The following PAPSS2 variants were observed in gnomAD, a reference collection of about 807,000 sequenced individuals.
PAPSS2 encodes bifunctional 3'-phosphoadenosine 5'-phosphosulfate synthase 2.
A neutral mutation model predicts 66.5 loss-of-function variants in PAPSS2; 61 were observed. That is an observed-to-expected ratio of 0.92 (90% CI 0.75 to 1.14). The LOEUF (loss-of-function observed/expected upper bound fraction) is 1.14, where lower values mean the gene tolerates loss of function less well. Among genes scored for constraint, PAPSS2 ranks in the 50% most tolerant of loss-of-function variants. The pLI, the probability that PAPSS2 is intolerant of heterozygous loss-of-function variation, is 0.00. For synonymous variants in PAPSS2, 289 were observed against 287.5 expected (o/e 1.01, Z -0.05); for missense variants, 708 against 789.6 (o/e 0.90, Z 1.24).
chr10:87,726,293 G>A (rs1853658747), intron 8 of PAPSS2, among the ~76,000 whole-genome samples: 1 of 152,188 alleles, frequency 6.6e-6, no homozygotes, highest in Non-Finnish European at 1.5e-5. Flanking sequence ...AGCTGGGAGT[G>A]GTGGCACATG....
intron 1 of PAPSS2, among the ~76,000 whole-genome samples, chr10:87,684,749 T>C (rs1853066440): frequency 1.3e-5 from 2 of 152,216 alleles, no homozygotes; most frequent in Non-Finnish European, 2.9e-5. Flanking sequence ...GGTGCTATTA[T>C]TCCATCCATT....
chr10:87,700,245 C>G (rs1303617625), intron 1 of PAPSS2, among the ~76,000 whole-genome samples: 1 of 152,148 alleles, frequency 6.6e-6, no homozygotes, highest in Non-Finnish European at 1.5e-5. Context: ...ATTTGAGAAT[C>G]AGAGAAACTG....
intron 9 of PAPSS2, 66 bp from the exon 10 acceptor site, chr10:87,741,168 AG>A: frequency 6.6e-7 from 1 of 1,521,870 alleles, no homozygotes; most frequent in Non-Finnish European, 9.1e-7. Context: ...GTCTAAAAGG[AG>A]AAAACTTTTC....
At chr10:87,712,122 CTT>C (rs1306547803) in intron 2 of PAPSS2, among the ~76,000 whole-genome samples, 1 of 152,164 alleles carries the variant, frequency 6.6e-6, no homozygotes, top group African/African-American at 2.4e-5. Context: ...CATGGTAACT[CTT>C]TTCTCATATA....
chr10:87,744,772 T>C (rs1853915363), intron 11 of PAPSS2, among the ~76,000 whole-genome samples: 1 of 152,142 alleles, frequency 6.6e-6, no homozygotes, highest in South Asian at 2.1e-4. Context: ...GATGAGGAAA[T>C]ACAACCTTGA....
intron 1 of PAPSS2, chr10:87,660,233 C>G: frequency 1.6e-6 from 1 of 614,050 alleles, no homozygotes; most frequent in East Asian, 2.8e-5. Context: ...TGGGAATCTG[C>G]GCTCCTTGGG....
intron 9 of PAPSS2, among the ~76,000 whole-genome samples, chr10:87,730,979 A>G (rs1228381410): frequency 6.6e-6 from 1 of 152,260 alleles, no homozygotes; most frequent in Non-Finnish European, 1.5e-5. Flanking sequence ...AAGATCATTG[A>G]TGTAGGTGGC....
chr10:87,688,808 G>T (rs1032782725), intron 1 of PAPSS2, among the ~76,000 whole-genome samples: 22 of 152,022 alleles, frequency 1.4e-4, no homozygotes, highest in African/African-American at 5.3e-4. Flanking sequence ...TTCTTATTCA[G>T]ACTTCTTTGT....
intron 1 of PAPSS2, among the ~76,000 whole-genome samples, chr10:87,660,773 G>A (rs1237699922): frequency 7.4e-6 from 1 of 134,988 alleles, no homozygotes; most frequent in Non-Finnish European, 1.5e-5. Context: ...AATGGCAGCA[G>A]TTCTATTTGT....
intron 8 of PAPSS2, among the ~76,000 whole-genome samples, chr10:87,724,814 A>G (rs1291560426): frequency 7.0e-6 from 1 of 141,848 alleles, no homozygotes; most frequent in Non-Finnish European, 1.6e-5. Context: ...ATGGATATCT[A>G]TGTATTATAT....
At chr10:87,708,999 G>A (rs1853429760) in intron 1 of PAPSS2, among the ~76,000 whole-genome samples, 197 bp from the exon 2 acceptor site, 2 of 152,102 alleles carry the variant, frequency 1.3e-5, no homozygotes, top group Admixed American at 6.6e-5. Context: ...TGTAGCTAAT[G>A]GCTCAGGGTA....
chr10:87,690,717 A>G (rs957542561), intron 1 of PAPSS2, among the ~76,000 whole-genome samples: 1 of 152,222 alleles, frequency 6.6e-6, no homozygotes. Context: ...ATTAAAAACA[A>G]CTATTTTTCT....
At chr10:87,701,731 A>G (rs989938166) in intron 1 of PAPSS2, among the ~76,000 whole-genome samples, 2 of 152,120 alleles carry the variant, frequency 1.3e-5, no homozygotes, top group Non-Finnish European at 2.9e-5. Context: ...AGCCCAAAAC[A>G]TAGTTTTAAA....
At chr10:87,681,112 A>C (rs1263996175) in intron 1 of PAPSS2, among the ~76,000 whole-genome samples, 1 of 152,206 alleles carries the variant, frequency 6.6e-6, no homozygotes, top group Non-Finnish European at 1.5e-5. Flanking sequence ...CCTACAATGC[A>C]CAGGACCACA....
chr10:87,736,446 T>G (rs964895166), intron 9 of PAPSS2, among the ~76,000 whole-genome samples: 2 of 151,948 alleles, frequency 1.3e-5, no homozygotes, highest in African/African-American at 4.8e-5. Context: ...TTTTATATTT[T>G]TAGTAGAGAC....
chr10:87,698,022 G>T (rs567059909), intron 1 of PAPSS2, among the ~76,000 whole-genome samples: 2 of 152,202 alleles, frequency 1.3e-5, no homozygotes, highest in Non-Finnish European at 2.9e-5. Context: ...ATGTTTTTCA[G>T]ATGTTTTGGG....
At chr10:87,698,062 G>A (rs915890818) in intron 1 of PAPSS2, among the ~76,000 whole-genome samples, 4 of 152,238 alleles carry the variant, frequency 2.6e-5, no homozygotes, top group East Asian at 1.9e-4. Context: ...AAAGTCATGC[G>A]GAATTTTTTT....
At chr10:87,667,709 C>T (rs1348395306) in intron 1 of PAPSS2, among the ~76,000 whole-genome samples, 4 of 152,168 alleles carry the variant, frequency 2.6e-5, no homozygotes, top group Non-Finnish European at 5.9e-5. Flanking sequence ...GTAATATAAA[C>T]ATGACAAACT....
In PAPSS2 at chr10:87,746,124, T is replaced by C; in HGVS notation, c.*154T>C. ...GTCTATAATTAAAAAAAAATATATATATATACACACACACATATACATACA... is the reference window on the plus strand; with the variant it reads ...GTCTATAATTAAAAAAAAATATATACATATACACACACACATATACATACA... On this transcript the variant is annotated 3_prime_UTR_variant, in exon 13 of 13. Coordinates refer to ENST00000456849, the MANE Select transcript of PAPSS2 (RefSeq NM_001015880.2). The C allele has an allele frequency of 1.7e-6, 1 of 585,678 alleles. No individual in the cohort carries two copies. Among genetic ancestry groups the C allele is most frequent in the Non-Finnish European group, 2.9e-6 (1 of 345,316 alleles). The allele number at this position is 585,678 out of a possible 1,614,324, so 36.3% of individuals were successfully genotyped here. A position where few individuals can be genotyped will look rare whatever the true frequency, so the allele number is the denominator to read the frequency against.
Sources: gnomAD v4.1 joint callset for allele counts (sites outside exome capture counted in the v4.1 genomes callset) on GRCh38, gnomAD v4.1.1 for gene constraint, MANE v1.5 for transcripts, NCBI Gene and HGNC (gene_info 2026-07-23, HGNC 2026-07-21) for gene names.